Variants in RBFOX1 observed in about 807,000 individuals in gnomAD.
RBFOX1 encodes the protein RNA binding fox-1 homolog 1, also known as RNA binding protein fox-1 homolog 1.
Under a neutral mutation model 57.7 loss-of-function variants are expected in RBFOX1, and 8 were observed. The observed-to-expected ratio is 0.14, with a 90% CI of 0.08 to 0.25. The LOEUF (loss-of-function observed/expected upper bound fraction) is 0.25, where lower values mean the gene tolerates loss of function less well. Ranked by LOEUF, RBFOX1 falls within the 10% of genes least tolerant of loss-of-function variation. The pLI, the probability that RBFOX1 is intolerant of heterozygous loss-of-function variation, is 1.00. For missense variants in RBFOX1, 611 were observed against 548.5 expected, an observed-to-expected ratio of 1.11 and a Z score of -1.14; for synonymous variants, 326 against 222.4, an observed-to-expected ratio of 1.47 and a Z score of -4.15.
chr16:7,005,668 G>T (rs896078386), intron 3 of RBFOX1, among the ~76,000 whole-genome samples: 34 of 152,160 alleles, frequency 2.2e-4, no homozygotes, highest in African/African-American at 8.2e-4. Context: ...CAATTTCATA[G>T]AATATCAGCA....
At chr16:5,779,255 C>A (rs61474725) in intron 3 of RBFOX1, among the ~76,000 whole-genome samples, 2 of 152,122 alleles carry the variant, frequency 1.3e-5, no homozygotes, top group Non-Finnish European at 2.9e-5. Flanking sequence ...AGTCTCTGTC[C>A]CTCTAAACAG....
At chr16:5,710,847 G>C (rs1004927911) in intron 3 of RBFOX1, among the ~76,000 whole-genome samples, 1 of 152,198 alleles carries the variant, frequency 6.6e-6, no homozygotes, top group Non-Finnish European at 1.5e-5. Flanking sequence ...TTGTGGCTCT[G>C]CAAGACCTGG....
intron 14 of RBFOX1, among the ~76,000 whole-genome samples, chr16:7,700,876 A>G (rs2080455592): frequency 6.6e-6 from 1 of 152,156 alleles, no homozygotes; most frequent in Non-Finnish European, 1.5e-5. Flanking sequence ...TAGAGAAAAG[A>G]TGATGTGATC....
intron 3 of RBFOX1, among the ~76,000 whole-genome samples, chr16:5,721,125 C>T (rs149522532): frequency 3.3e-5 from 5 of 152,238 alleles, no homozygotes; most frequent in East Asian, 1.9e-4. Flanking sequence ...TAGTTTTCAG[C>T]ATGGAAATTT....
intron 1 of RBFOX1, among the ~76,000 whole-genome samples, chr16:6,143,450 C>T (rs1275294247): frequency 6.6e-6 from 1 of 152,108 alleles, no homozygotes; most frequent in Admixed American, 6.6e-5. Flanking sequence ...AGGAGGTGAT[C>T]CCAATGCTCA....
chr16:6,369,457 C>A (rs1359790121), intron 2 of RBFOX1, among the ~76,000 whole-genome samples: 1 of 152,136 alleles, frequency 6.6e-6, no homozygotes, highest in Non-Finnish European at 1.5e-5. Flanking sequence ...AACAGTGCAA[C>A]CACTCATTAT....
At chr16:7,535,841 C>G (rs1468670298) in intron 5 of RBFOX1, among the ~76,000 whole-genome samples, 1 of 152,194 alleles carries the variant, frequency 6.6e-6, no homozygotes, top group Non-Finnish European at 1.5e-5. Flanking sequence ...CACTTTTATT[C>G]TCAGTGTTAG....
chr16:5,261,866 G>A (rs940338528), intron 1 of RBFOX1, among the ~76,000 whole-genome samples: 8 of 152,076 alleles, frequency 5.3e-5, no homozygotes, highest in African/African-American at 1.4e-4. Context: ...ATTGTGCTTT[G>A]TAGTAACCCC....
Position 5,317,195 on chromosome 16 carries a change from TTCTC to T in RBFOX1, c.219+77105_219+77108del, listed in dbSNP as rs369981628. Among the ~76,000 whole-genome samples the T allele has an allele frequency of 2.6e-3, 395 of 150,626 alleles. 1 individual carries two copies. Among genetic ancestry groups the T allele is most frequent in the Non-Finnish European group, 2.8e-3 (189 of 67,460 alleles). ...ACCAATTCCCTTAATAAATCCTTTC[TTCTC>T]TCTCTCTCTCTCTCAATCTCTCGAT... On this transcript the variant is annotated intron_variant, in intron 1 of 2. Transcript: ENST00000585867.
At chr16:6,801,590 G>C (rs1345822813) in intron 3 of RBFOX1, among the ~76,000 whole-genome samples, 2 of 152,012 alleles carry the variant, frequency 1.3e-5, no homozygotes, top group African/African-American at 4.8e-5. Context: ...GTGGAGGTTG[G>C]GGAGATGGCC....
chr16:5,480,795 T>G (rs1336075460), intron 2 of RBFOX1, among the ~76,000 whole-genome samples: 1 of 152,264 alleles, frequency 6.6e-6, no homozygotes, highest in Non-Finnish European at 1.5e-5. Context: ...TCTCAGTGCA[T>G]GCATAATATG....
At chr16:6,537,055 C>G (rs1039123132) in intron 2 of RBFOX1, among the ~76,000 whole-genome samples, 1 of 152,196 alleles carries the variant, frequency 6.6e-6, no homozygotes, top group Non-Finnish European at 1.5e-5. Flanking sequence ...TATAGCTCCT[C>G]TCAGCTCTGG....
intron 3 of RBFOX1, among the ~76,000 whole-genome samples, chr16:7,014,371 C>G (rs1320831164): frequency 6.6e-6 from 1 of 151,514 alleles, no homozygotes; most frequent in African/African-American, 2.4e-5. Context: ...CATCACCACG[C>G]CTGGCTTTTT....
chr16:6,921,971 A>G lies in RBFOX1; in HGVS notation c.-15-130086A>G, dbSNP rs558754169. 1.8e-4 allele frequency among the ~76,000 whole-genome samples: 28 copies of G among 152,282 alleles called. No individual in the cohort carries two copies. The South Asian group carries it at 5.0e-3, about 27-fold the overall frequency. On this transcript the variant is annotated intron_variant, in intron 3 of 15. Transcript: ENST00000550418. ...TGCACACCACTGAAATATTGTATGA[A>G]TTAGAATATACACAGAACTAGCACA...
intron 3 of RBFOX1, among the ~76,000 whole-genome samples, chr16:6,780,009 A>T (rs866792346): frequency 1.2e-4 from 3 of 25,950 alleles, no homozygotes; most frequent in African/African-American, 3.9e-4. Flanking sequence ...ATATATATTT[A>T]TATATATTTA....
At chr16:5,276,002 A>G (rs1309639955) in intron 1 of RBFOX1, among the ~76,000 whole-genome samples, 1 of 152,230 alleles carries the variant, frequency 6.6e-6, no homozygotes. Flanking sequence ...ATAAAACTGG[A>G]TCCTCATCTC....
intron 3 of RBFOX1, among the ~76,000 whole-genome samples, chr16:6,698,654 C>T (rs2061399664): frequency 6.6e-6 from 1 of 152,182 alleles, no homozygotes; most frequent in Non-Finnish European, 1.5e-5. Context: ...GGTGGGACCA[C>T]CCCTTTTAGG....
intron 2 of RBFOX1, among the ~76,000 whole-genome samples, chr16:6,539,829 A>ACACACACACACACACACACACACACG (rs1431765862): frequency 6.6e-6 from 1 of 151,892 alleles, no homozygotes; most frequent in Non-Finnish European, 1.5e-5. Context: ...ACACACACAC[A>ACACACACACACACACACACACACACG]CACACACAGA....
chr16:5,898,953 C>A (rs115363591), intron 4 of RBFOX1, among the ~76,000 whole-genome samples: 2 of 150,516 alleles, frequency 1.3e-5, no homozygotes, highest in Non-Finnish European at 1.5e-5. Context: ...GTCCCAGCTA[C>A]GTGGGAGGTT....
Sources: gnomAD v4.1 joint callset for allele counts (sites outside exome capture counted in the v4.1 genomes callset) on GRCh38, gnomAD v4.1.1 for gene constraint, MANE v1.5 for transcripts, NCBI Gene and HGNC (gene_info 2026-07-23, HGNC 2026-07-21) for gene names.